The following CRACD variants were observed in gnomAD, a reference collection of about 807,000 sequenced individuals.
CRACD encodes the protein capping protein-inhibiting regulator of actin dynamics.
A neutral mutation model predicts 106.8 loss-of-function variants in CRACD; 56 were observed. The observed-to-expected ratio is 0.52, with a 90% CI of 0.42 to 0.66. CRACD has a LOEUF of 0.66. Among genes scored for constraint, CRACD ranks in the 30% least tolerant of loss-of-function variants. CRACD has a pLI of 0.00. For missense variants in CRACD, 1,730 were observed against 1,623.2 expected (o/e 1.07, Z -1.13); for synonymous variants, 754 against 670.8 (o/e 1.12, Z -1.92).
chr4:56,254,634 G>C (rs1294031096), intron 2 of CRACD, among the ~76,000 whole-genome samples: 2 of 151,996 alleles, frequency 1.3e-5, no homozygotes, highest in African/African-American at 4.8e-5. Flanking sequence ...CTTCCCACTG[G>C]CACCATCTAG....
At chr4:56,173,008 G>A (rs929290226) in intron 1 of CRACD, among the ~76,000 whole-genome samples, 3 of 152,082 alleles carry the variant, frequency 2.0e-5, no homozygotes, top group Non-Finnish European at 2.9e-5. Flanking sequence ...CGCCCGCCTC[G>A]GCCTCCCAAA....
chr4:56,290,672 T>C (rs1577865264), intron 3 of CRACD, among the ~76,000 whole-genome samples: 1 of 152,312 alleles, frequency 6.6e-6, no homozygotes, highest in East Asian at 1.9e-4. Context: ...ATAAAAATAA[T>C]ATCAATGACA....
chr4:56,274,082 TTACTC>T (rs1405162508), intron 3 of CRACD, among the ~76,000 whole-genome samples: 1 of 152,206 alleles, frequency 6.6e-6, no homozygotes, highest in African/African-American at 2.4e-5. Context: ...TCTGTTGTCT[TTACTC>T]TGTAGGGTAA....
chr4:56,220,587 C>T (rs981735494), intron 2 of CRACD, among the ~76,000 whole-genome samples: 5 of 150,790 alleles, frequency 3.3e-5, no homozygotes, highest in African/African-American at 7.3e-5. Flanking sequence ...TTCATTTTAG[C>T]GGACTGGTAA....
intron 2 of CRACD, among the ~76,000 whole-genome samples, chr4:56,216,871 T>G (rs1270537224): frequency 6.7e-6 from 1 of 150,158 alleles, no homozygotes; most frequent in Non-Finnish European, 1.5e-5. Flanking sequence ...TCCCAGCTAC[T>G]CGGGAGGCTG....
chr4:56,092,313 T>C (rs1027049349), intron 1 of CRACD, among the ~76,000 whole-genome samples: 3 of 152,190 alleles, frequency 2.0e-5, no homozygotes, highest in Non-Finnish European at 4.4e-5. Context: ...TATCTATCCA[T>C]CTTGGGCCCC....
chr4:56,131,868 A>G (rs937062053), intron 1 of CRACD, among the ~76,000 whole-genome samples: 1 of 152,134 alleles, frequency 6.6e-6, no homozygotes, highest in Non-Finnish European at 1.5e-5. Flanking sequence ...ATATATAACA[A>G]ATACATCATT....
At chr4:56,057,498 G>C (rs1732116296) in intron 1 of CRACD, among the ~76,000 whole-genome samples, 1 of 152,148 alleles carries the variant, frequency 6.6e-6, no homozygotes, top group Non-Finnish European at 1.5e-5. Context: ...TTCCTCTGTA[G>C]GTCAGAGGTC....
intron 3 of CRACD, among the ~76,000 whole-genome samples, chr4:56,287,527 C>T (rs1430789159): frequency 6.6e-6 from 1 of 152,080 alleles, no homozygotes; most frequent in African/African-American, 2.4e-5. Context: ...GCGATCTGCC[C>T]ACCTCGGCCT....
intron 3 of CRACD, among the ~76,000 whole-genome samples, chr4:56,286,694 G>A (rs552168744): frequency 2.6e-5 from 4 of 152,000 alleles, no homozygotes; most frequent in East Asian, 1.9e-4. Context: ...GACTGCTCTC[G>A]GGGTTCCTGC....
chr4:56,068,442 T>A (rs963640236), intron 1 of CRACD, among the ~76,000 whole-genome samples: 3 of 152,170 alleles, frequency 2.0e-5, no homozygotes, highest in Admixed American at 6.6e-5. Flanking sequence ...TGACTTTTAC[T>A]TCAGATGAGA....
intron 2 of CRACD, among the ~76,000 whole-genome samples, chr4:56,221,916 AC>A (rs577797573): frequency 7.5e-4 from 114 of 152,360 alleles, no homozygotes; most frequent in African/African-American, 2.6e-3. Context: ...TGTGGTGAAT[AC>A]AGAACACTTT....
At chr4:56,110,753 C>T (rs952554713) in intron 1 of CRACD, among the ~76,000 whole-genome samples, 44 of 152,276 alleles carry the variant, frequency 2.9e-4, no homozygotes, top group African/African-American at 9.1e-4. Context: ...CCCGCCATCA[C>T]GCCTTGCTGA....
Position 56,329,555 on chromosome 4 carries a change from T to TA in CRACD, c.*1752dup, listed in dbSNP as rs767397362. Among the ~76,000 whole-genome samples the TA allele has an allele frequency of 2.6e-5, 4 of 152,216 alleles. No individual in the cohort carries two copies. Among genetic ancestry groups the TA allele is most frequent in the Non-Finnish European group, 4.4e-5 (3 of 68,038 alleles). The stretch of plus-strand genomic sequence containing the variant: ...TGCAAGTTGGATTTAATATCATATA[T>TA]ACTGGACCTTCAGACTGTTAAAAAT... On this transcript the variant is annotated 3_prime_UTR_variant, in exon 11 of 11. Transcript: ENST00000682029.
At chr4:56,070,614 A>G (rs1732613772) in intron 1 of CRACD, among the ~76,000 whole-genome samples, 1 of 152,084 alleles carries the variant, frequency 6.6e-6, no homozygotes, top group Non-Finnish European at 1.5e-5. Context: ...TAACAGCTCT[A>G]GCACCACCTG....
rs527348461 is a variant in CRACD at position 56,328,814 on chromosome 4, A to T, written c.*1010A>T. Among the ~76,000 whole-genome samples the T allele has an allele frequency of 6.6e-6, 1 of 152,314 alleles. No individual in the cohort carries two copies. Among genetic ancestry groups the T allele is most frequent in the South Asian group, 2.1e-4 (1 of 4,822 alleles). On this transcript the variant is annotated 3_prime_UTR_variant, in exon 11 of 11. Transcript: ENST00000682029. Reference sequence around the variant, plus strand: ...CATTCACTCAAAAAGCAACAGTGAGACAGGAAAAATAATAAAACAACCCCC... The same window carrying T: ...CATTCACTCAAAAAGCAACAGTGAGTCAGGAAAAATAATAAAACAACCCCC...
intron 1 of CRACD, among the ~76,000 whole-genome samples, chr4:56,061,049 G>A (rs1308353666): frequency 6.6e-6 from 1 of 152,210 alleles, no homozygotes; most frequent in Non-Finnish European, 1.5e-5. Flanking sequence ...CTTGGGTAAT[G>A]GAGAGCTGTC....
intron 2 of CRACD, among the ~76,000 whole-genome samples, chr4:56,221,686 C>T (rs922098593): frequency 2.0e-5 from 3 of 151,928 alleles, no homozygotes; most frequent in Admixed American, 1.3e-4. Flanking sequence ...AATAAAAAAA[C>T]TCCAAAACCC....
chr4:56,099,532 A>T (rs530766051), intron 1 of CRACD, among the ~76,000 whole-genome samples: 1 of 152,278 alleles, frequency 6.6e-6, no homozygotes, highest in South Asian at 2.1e-4. Context: ...GACTGTTCCG[A>T]AATGGCTGGT....
Sources: allele counts gnomAD v4.1 joint callset (sites outside exome capture counted in the v4.1 genomes callset), GRCh38; gene constraint gnomAD v4.1.1; transcripts MANE v1.5; gene names NCBI Gene and HGNC (gene_info 2026-07-23, HGNC 2026-07-21).